The following LDLRAD4 variants were observed in gnomAD, a reference collection of about 807,000 sequenced individuals.
LDLRAD4 encodes the protein low density lipoprotein receptor class A domain containing 4.
A neutral mutation model predicts 17.0 loss-of-function variants in LDLRAD4; 5 were observed. The observed-to-expected ratio is 0.29, with a 90% confidence interval of 0.15 to 0.62. The LOEUF is 0.62. LDLRAD4 is among the 20% of genes least tolerant of loss of function. LDLRAD4 has a pLI of 0.84. For synonymous variants in LDLRAD4, 168 were observed against 171.8 expected (o/e 0.98, Z 0.17); for missense variants, 340 against 424.7 (o/e 0.80, Z 1.75).
At chr18:13,446,895 GCCTCGGGGGCCTTCTGGCATT>G (rs137878093) in intron 3 of LDLRAD4, among the ~76,000 whole-genome samples, 3,077 of 152,352 alleles carry the variant, frequency 0.02, 159 homozygotes, top group East Asian at 0.18. Flanking sequence ...GGTGGGGCCT[GCCTCGGGGGCCTTCTGGCATT>G]CAGCAGATTG....
chr18:13,225,608 T>C (rs1429333767), intron 1 of LDLRAD4, among the ~76,000 whole-genome samples: 1 of 152,242 alleles, frequency 6.6e-6, no homozygotes, highest in Non-Finnish European at 1.5e-5. Context: ...TTGGGGTAGC[T>C]GCTCCTAGCA....
intron 3 of LDLRAD4, among the ~76,000 whole-genome samples, chr18:13,539,289 G>A (rs2094242359): frequency 6.6e-6 from 1 of 152,216 alleles, no homozygotes; most frequent in Admixed American, 6.5e-5. Flanking sequence ...GAGCAACTGT[G>A]TGCTTGTTTG....
chr18:13,605,481 G>C (rs991617167), intron 3 of LDLRAD4, among the ~76,000 whole-genome samples: 2 of 152,242 alleles, frequency 1.3e-5, no homozygotes, highest in African/African-American at 4.8e-5. Context: ...GCCTCCCAAA[G>C]TGTTGGGGTT....
chr18:13,625,554 G>A (rs75556719), intron 4 of LDLRAD4, among the ~76,000 whole-genome samples: 13 of 152,116 alleles, frequency 8.5e-5, no homozygotes, highest in South Asian at 4.1e-4. Context: ...GGAGAGTCCC[G>A]TTCTGAGAAG....
intron 1 of LDLRAD4, among the ~76,000 whole-genome samples, chr18:13,303,610 G>T (rs1567985621): frequency 6.6e-6 from 1 of 152,140 alleles, no homozygotes; most frequent in East Asian, 1.9e-4. Context: ...AGGATTACAG[G>T]TGCGAGCTAC....
intron 3 of LDLRAD4, among the ~76,000 whole-genome samples, chr18:13,585,065 C>T (rs377503867): frequency 6.6e-6 from 1 of 152,216 alleles, no homozygotes; most frequent in East Asian, 1.9e-4. Context: ...GCAGACGAGG[C>T]CTTTTCCCTG....
intron 3 of LDLRAD4, among the ~76,000 whole-genome samples, chr18:13,475,322 C>T (rs1018243998): frequency 6.6e-6 from 1 of 152,134 alleles, no homozygotes; most frequent in African/African-American, 2.4e-5. Flanking sequence ...AGCCCAGGAG[C>T]TCAAGGCTGG....
chr18:13,545,081 C>A (rs1385865763), intron 3 of LDLRAD4, among the ~76,000 whole-genome samples: 2 of 152,060 alleles, frequency 1.3e-5, no homozygotes, highest in Non-Finnish European at 2.9e-5. Context: ...CAGTGGTGCT[C>A]CCCAGAAGGT....
At chr18:13,474,418 A>G (rs893928421) in intron 3 of LDLRAD4, among the ~76,000 whole-genome samples, 4 of 152,346 alleles carry the variant, frequency 2.6e-5, no homozygotes, top group Middle Eastern at 3.4e-3. Context: ...GACACGTGTC[A>G]GATTCAAATG....
At chr18:13,456,237 G>A (rs973716562) in intron 3 of LDLRAD4, among the ~76,000 whole-genome samples, 7 of 152,178 alleles carry the variant, frequency 4.6e-5, no homozygotes, top group South Asian at 2.1e-4. Context: ...GCATGTACAC[G>A]TTTTGCCTGA....
chr18:13,380,014 G>GCCCGTCAGCCCT (rs2085231547), intron 1 of LDLRAD4, among the ~76,000 whole-genome samples: 1 of 124,752 alleles, frequency 8.0e-6, no homozygotes. Context: ...CCGTCAGCCC[G>GCCCGTCAGCCCT]AGCCCTCACG....
chr18:13,598,879 C>G (rs1343798162), intron 3 of LDLRAD4, among the ~76,000 whole-genome samples: 3 of 152,186 alleles, frequency 2.0e-5, no homozygotes, highest in Non-Finnish European at 4.4e-5. Flanking sequence ...GGGCAGGACA[C>G]TGGGTAGAGG....
chr18:13,546,102 G>C (rs1334121468), intron 3 of LDLRAD4, among the ~76,000 whole-genome samples: 1 of 152,182 alleles, frequency 6.6e-6, no homozygotes, highest in Admixed American at 6.5e-5. Context: ...TTTAGCCCCT[G>C]CTTGGTGGGG....
At chr18:13,426,463 G>C (rs1201644164) in intron 2 of LDLRAD4, among the ~76,000 whole-genome samples, 1 of 152,134 alleles carries the variant, frequency 6.6e-6, no homozygotes, top group East Asian at 1.9e-4. Context: ...TAACTTTCAG[G>C]GCAGGTGAGA....
At chr18:13,582,897 T>C (rs188492874) in intron 3 of LDLRAD4, among the ~76,000 whole-genome samples, 200 of 152,248 alleles carry the variant, frequency 1.3e-3, no homozygotes, top group Non-Finnish European at 1.9e-3. Flanking sequence ...TTTTACATTT[T>C]GTAGAGATGG....
At chr18:13,481,347 A>G (rs2093077512) in intron 3 of LDLRAD4, among the ~76,000 whole-genome samples, 1 of 152,166 alleles carries the variant, frequency 6.6e-6, no homozygotes, top group African/African-American at 2.4e-5. Context: ...TGATGCTCCA[A>G]CTTTGTGGAT....
intron 3 of LDLRAD4, among the ~76,000 whole-genome samples, chr18:13,553,590 C>T (rs920130850): frequency 6.6e-6 from 1 of 152,120 alleles, no homozygotes; most frequent in African/African-American, 2.4e-5. Flanking sequence ...TGAGCTGTGC[C>T]GAGAACAGGG....
intron 1 of LDLRAD4, among the ~76,000 whole-genome samples, chr18:13,305,625 G>A (rs189325819): frequency 9.0e-4 from 137 of 152,334 alleles, no homozygotes; most frequent in African/African-American, 3.0e-3. Flanking sequence ...GCAGAGAAAA[G>A]TCATGACATT....
At chr18:13,603,917 C>A (rs191086866) in intron 3 of LDLRAD4, among the ~76,000 whole-genome samples, 43 of 152,338 alleles carry the variant, frequency 2.8e-4, no homozygotes, top group Admixed American at 2.4e-3. Flanking sequence ...TTAGCATTTG[C>A]TGCCTGCAGC....
Sources: gnomAD v4.1 joint callset for allele counts (sites outside exome capture counted in the v4.1 genomes callset) on GRCh38, gnomAD v4.1.1 for gene constraint, MANE v1.5 for transcripts, NCBI Gene and HGNC (gene_info 2026-07-23, HGNC 2026-07-21) for gene names.